Variants in TGFBR3 observed in about 807,000 individuals in gnomAD.
TGFBR3 encodes transforming growth factor beta receptor type 3.
In TGFBR3, 46 loss-of-function variants were observed where a neutral mutation model predicts 87.9. That is an observed-to-expected ratio of 0.52 (90% CI 0.41 to 0.67). The LOEUF is 0.67. Ranked by LOEUF, TGFBR3 falls within the 30% of genes least tolerant of loss-of-function variation. The pLI, the probability that TGFBR3 is intolerant of heterozygous loss-of-function variation, is 0.00. For missense variants in TGFBR3, 866 were observed against 1,041.9 expected (o/e 0.83, Z 2.32); for synonymous variants, 381 against 391.6 (o/e 0.97, Z 0.32).
intron 2 of TGFBR3, among the ~76,000 whole-genome samples, chr1:91,897,368 G>T (rs1341860913): frequency 6.6e-6 from 1 of 152,186 alleles, no homozygotes. Flanking sequence ...AGCATATTTG[G>T]TAAAAGGTTT....
At chr1:91,828,952 C>T (rs1171355626) in intron 2 of TGFBR3, among the ~76,000 whole-genome samples, 1 of 152,048 alleles carries the variant, frequency 6.6e-6, no homozygotes, top group African/African-American at 2.4e-5. Context: ...TGAAGGAGTC[C>T]CTCTTTTTCT....
intron 3 of TGFBR3, among the ~76,000 whole-genome samples, chr1:91,782,561 AAG>A (rs1360496132): frequency 1.3e-5 from 2 of 152,194 alleles, no homozygotes; most frequent in African/African-American, 4.8e-5. Flanking sequence ...GGAATGTGGA[AAG>A]GATTGTTTTT....
At position 91,681,846 on chromosome 1, in the gene TGFBR3, T is replaced by C; in HGVS notation, c.*1893A>G. On this transcript the variant is annotated 3_prime_UTR_variant, in exon 17 of 17. Transcript: ENST00000212355. ...CCACCGAAGGTTAGGCAAAGCGCAA[T>C]ATTTTCAAACACAGGTAGCGTAATC... is the stretch of plus-strand genomic sequence containing the variant. 2 of 453,498 alleles carry C rather than the reference T, an allele frequency of 4.4e-6. No individual in the cohort carries two copies. Among genetic ancestry groups the C allele is most frequent in the Non-Finnish European group, 4.4e-6 (1 of 226,668 alleles). 28.1% of individuals were successfully genotyped at this position (453,498 alleles called of 1,614,324 possible). A position where few individuals can be genotyped will look rare whatever the true frequency, so the allele number is the denominator to read the frequency against.
At chr1:91,813,876 G>A (rs1024478292) in intron 2 of TGFBR3, among the ~76,000 whole-genome samples, 6 of 152,314 alleles carry the variant, frequency 3.9e-5, no homozygotes, top group African/African-American at 1.2e-4. Context: ...TCAGGCATTC[G>A]TGAGATTCTC....
chr1:91,869,956 T>C (rs1358106140), intron 1 of TGFBR3, among the ~76,000 whole-genome samples: 1 of 152,190 alleles, frequency 6.6e-6, no homozygotes, highest in Non-Finnish European at 1.5e-5. Context: ...CTTGTGGAAA[T>C]CTGAAATGCA....
chr1:91,886,095 C>T lies in TGFBR3; in HGVS notation c.-331G>A, dbSNP rs1479026700. Reference sequence around the variant, plus strand: ...CGGGGCGCGAGAGCCGCCGACTGCCCTCCTTCACTCGCTGGGAAGAGGAAA... The same window carrying T: ...CGGGGCGCGAGAGCCGCCGACTGCCTTCCTTCACTCGCTGGGAAGAGGAAA... On this transcript the variant is annotated 5_prime_UTR_variant, in exon 1 of 17. Transcript: ENST00000212355. 1 of 454,012 alleles carries T rather than the reference C, an allele frequency of 2.2e-6. No homozygotes were observed. The highest frequency in any genetic ancestry group is 4.4e-6 in the Non-Finnish European group (1 of 226,792). 28.1% of individuals were successfully genotyped at this position (454,012 alleles called of 1,614,324 possible).
rs17883401 is a variant in TGFBR3 at position 91,830,708 on chromosome 1, C to T, written c.61+30763G>A. ...CCAATACCCCACCCCTGACAGATCT[C>T]GGTCTGGGGCACAGGAAGAATGAAG... On this transcript the variant is annotated intron_variant, in intron 2 of 16. Transcript: ENST00000212355. Among the ~76,000 whole-genome samples the T allele has an allele frequency of 5.2e-3, 796 of 152,228 alleles. 12 individuals are homozygous for T. Among genetic ancestry groups the T allele is most frequent in the African/African-American group, 0.018 (758 of 41,548 alleles).
chr1:91,874,581 TC>T (rs1357114323), intron 1 of TGFBR3, among the ~76,000 whole-genome samples: 1 of 151,180 alleles, frequency 6.6e-6, no homozygotes, highest in African/African-American at 2.4e-5. Flanking sequence ...CACTGCAACC[TC>T]CGTCTCCTGG....
At chr1:91,775,222 G>A (rs1674526311) in intron 3 of TGFBR3, among the ~76,000 whole-genome samples, 1 of 152,198 alleles carries the variant, frequency 6.6e-6, no homozygotes, top group African/African-American at 2.4e-5. Context: ...TTTAGGGTCA[G>A]CTCTTTTAAT....
intron 4 of TGFBR3, among the ~76,000 whole-genome samples, chr1:91,752,339 T>C (rs1673572262): frequency 6.6e-6 from 1 of 152,200 alleles, no homozygotes; most frequent in Admixed American, 6.5e-5. Context: ...CCAGCAATTG[T>C]ACCTCAAAGA....
chr1:91,836,682 TGA>T, intron 2 of TGFBR3, among the ~76,000 whole-genome samples: 1 of 152,266 alleles, frequency 6.6e-6, no homozygotes, highest in African/African-American at 2.4e-5. Context: ...TAATATATGC[TGA>T]GTTAACTTTA....
At chr1:91,861,916 C>A (rs992840881) in intron 1 of TGFBR3, 2 of 291,846 alleles carry the variant, frequency 6.9e-6, no homozygotes, top group Admixed American at 1.1e-4. Flanking sequence ...AGCACAGTGG[C>A]GCAGTCTTGG....
At chr1:91,684,568 C>T (rs1378132053) in intron 16 of TGFBR3, among the ~76,000 whole-genome samples, 2 of 152,190 alleles carry the variant, frequency 1.3e-5, no homozygotes, top group Non-Finnish European at 2.9e-5. Context: ...ACACTTTAAG[C>T]ATCCCACTTT....
chr1:91,698,125 CT>C lies in TGFBR3; in HGVS notation c.2292del (p.Gly765ValfsTer4). On this transcript the variant is annotated frameshift_variant, in exon 15 of 17. Transcript: ENST00000212355. LOFTEE classifies it high-confidence loss of function. ...VIHHEAESKE[K>X]GPSMKEPNPI... Reference sequence around the variant, plus strand: ...GGATTTGGTTCCTTCATGCTTGGACCTTTTTCTGAAACAAAAACATAAATCA... The same window carrying C: ...GGATTTGGTTCCTTCATGCTTGGACCTTTTCTGAAACAAAAACATAAATCA... 6.2e-7 allele frequency: 1 copy of C among 1,613,658 alleles called. No individual in the cohort carries two copies. The highest frequency in any genetic ancestry group is 8.5e-7 in the Non-Finnish European group (1 of 1,179,646).
At chr1:91,758,462 A>G in intron 4 of TGFBR3, 151 bp downstream of exon 4, 1 of 952,396 alleles carries the variant, frequency 1.0e-6, no homozygotes, top group Non-Finnish European at 1.7e-6. Context: ...GTCATCATCC[A>G]AATATCACTA....
chr1:91,754,985 G>T (rs1333977603), intron 4 of TGFBR3: 1 of 152,132 alleles, frequency 6.6e-6, no homozygotes, highest in Admixed American at 6.5e-5. Context: ...CAGGAAACAG[G>T]CAAGGATACA....
chr1:91,717,874 C>CT (rs56325630), intron 10 of TGFBR3, among the ~76,000 whole-genome samples: 46,030 of 146,158 alleles, frequency 0.31, 8,183 homozygotes, highest in Non-Finnish European at 0.43. Flanking sequence ...AAGCAACTGA[C>CT]TTTTTTTTTT....
At chr1:91,696,107 G>T (rs1013813467) in intron 15 of TGFBR3, among the ~76,000 whole-genome samples, 1 of 152,148 alleles carries the variant, frequency 6.6e-6, no homozygotes, top group Admixed American at 6.5e-5. Context: ...TGAATGGAGG[G>T]TAGCTTGAAA....
intron 3 of TGFBR3, 29 bp downstream of exon 3, chr1:91,797,258 G>A: frequency 6.2e-7 from 1 of 1,612,274 alleles, no homozygotes. Context: ...CTCAGTGGCA[G>A]TGGGCTGAGA....
Sources: allele counts gnomAD v4.1 joint callset (sites outside exome capture counted in the v4.1 genomes callset), GRCh38; gene constraint gnomAD v4.1.1; transcripts MANE v1.5; gene names NCBI Gene and HGNC (gene_info 2026-07-23, HGNC 2026-07-21).